Variants in PDE7B observed in about 807,000 individuals in gnomAD.
PDE7B encodes phosphodiesterase 7B.
Under a neutral mutation model 56.2 loss-of-function variants are expected in PDE7B, and 29 were observed. The observed-to-expected ratio is 0.52, with a 90% CI of 0.38 to 0.70. The LOEUF is 0.70. Among genes scored for constraint, PDE7B ranks in the 30% least tolerant of loss-of-function variants. The pLI is 0.00. For missense variants in PDE7B, 490 were observed against 565.0 expected, an observed-to-expected ratio of 0.87 and a Z score of 1.35; for synonymous variants, 197 against 196.9, an observed-to-expected ratio of 1.00 and a Z score of 0.00.
Position 136,133,712 on chromosome 6 carries a change from C to T in PDE7B, c.167-13639C>T, listed in dbSNP as rs111787817. ...CCTAGCCTAACAGGGTTTACAGCAG[C>T]GTGCAGCATCTGCCACATAGCAAGT... On this transcript the variant is annotated intron_variant, in intron 3 of 12. Coordinates refer to ENST00000308191, the MANE Select transcript of PDE7B (RefSeq NM_018945.4). Among the ~76,000 whole-genome samples, 754 of 152,202 alleles carry T rather than the reference C, an allele frequency of 5.0e-3. 3 individuals are homozygous for T. The highest frequency in any genetic ancestry group is 0.016 in the African/African-American group (655 of 41,528).
At chr6:135,935,288 TGGA>T (rs1774403182) in intron 1 of PDE7B, among the ~76,000 whole-genome samples, 1 of 142,070 alleles carries the variant, frequency 7.0e-6, no homozygotes, top group African/African-American at 2.6e-5. Context: ...ACTGAAAGAA[TGGA>T]GAAATCTTTG....
At chr6:135,910,896 C>G (rs529641661) in intron 1 of PDE7B, among the ~76,000 whole-genome samples, 19 of 152,126 alleles carry the variant, frequency 1.2e-4, no homozygotes, top group African/African-American at 4.6e-4. Flanking sequence ...AAGAGTAACC[C>G]CATATTCTTA....
intron 1 of PDE7B, among the ~76,000 whole-genome samples, chr6:135,859,075 A>G (rs1775094567): frequency 6.6e-6 from 1 of 151,422 alleles, no homozygotes; most frequent in Admixed American, 6.6e-5. Context: ...AAAAAAAAAG[A>G]CCTTCATTTC....
At chr6:135,965,300 G>C (rs936784289) in intron 2 of PDE7B, among the ~76,000 whole-genome samples, 1 of 152,156 alleles carries the variant, frequency 6.6e-6, no homozygotes, top group African/African-American at 2.4e-5. Context: ...GGATCTGCTT[G>C]TTCAGGAGCA....
At chr6:136,135,174 T>G (rs1002833097) in intron 3 of PDE7B, among the ~76,000 whole-genome samples, 5 of 152,130 alleles carry the variant, frequency 3.3e-5, no homozygotes, top group African/African-American at 9.7e-5. Context: ...ATTCAAGACC[T>G]GAGTTTGGAG....
intron 1 of PDE7B, among the ~76,000 whole-genome samples, chr6:135,929,288 T>G (rs1184697638): frequency 2.0e-5 from 3 of 152,164 alleles, no homozygotes; most frequent in Admixed American, 2.0e-4. Flanking sequence ...TACTTAAAAC[T>G]TACAATGAGC....
chr6:136,161,126 T>C (rs946171602), intron 8 of PDE7B, among the ~76,000 whole-genome samples: 4 of 152,206 alleles, frequency 2.6e-5, no homozygotes, highest in Admixed American at 6.5e-5. Context: ...GAGTATGTTG[T>C]CTGTACTCTC....
chr6:135,934,489 G>A (rs1774355609), intron 1 of PDE7B, among the ~76,000 whole-genome samples: 1 of 151,654 alleles, frequency 6.6e-6, no homozygotes, highest in South Asian at 2.1e-4. Flanking sequence ...CACTTTGGGA[G>A]GCCAAGGCAG....
intron 2 of PDE7B, among the ~76,000 whole-genome samples, chr6:135,987,974 C>G (rs908282169): frequency 2.0e-5 from 3 of 152,114 alleles, no homozygotes; most frequent in African/African-American, 4.8e-5. Context: ...CTAATACATG[C>G]CTATCACATT....
chr6:136,122,865 C>T (rs1777959785), intron 3 of PDE7B, among the ~76,000 whole-genome samples: 1 of 152,198 alleles, frequency 6.6e-6, no homozygotes, highest in Non-Finnish European at 1.5e-5. Flanking sequence ...TCCTCTGTAT[C>T]TCTCTGCAGG....
At chr6:136,174,360 T>C (rs6916324) in intron 9 of PDE7B, among the ~76,000 whole-genome samples, 15,322 of 152,232 alleles carry the variant, frequency 0.1, 2,537 homozygotes, top group African/African-American at 0.35. Flanking sequence ...TTTTGCTAAG[T>C]AATTGAAATG....
chr6:135,933,231 CTG>C (rs1416287434), intron 1 of PDE7B, among the ~76,000 whole-genome samples: 2 of 152,180 alleles, frequency 1.3e-5, no homozygotes, highest in Admixed American at 6.5e-5. Context: ...TCATATGTAT[CTG>C]TGTATAAATA....
intron 2 of PDE7B, among the ~76,000 whole-genome samples, chr6:136,021,418 G>A (rs1776068722): frequency 6.6e-6 from 1 of 152,292 alleles, no homozygotes; most frequent in South Asian, 2.1e-4. Flanking sequence ...GCTGAGGCAG[G>A]TGGATCACCT....
intron 2 of PDE7B, among the ~76,000 whole-genome samples, chr6:136,020,664 A>C (rs1247284824): frequency 7.3e-5 from 11 of 151,684 alleles, no homozygotes; most frequent in Admixed American, 5.2e-4. Flanking sequence ...TTGTCCATAT[A>C]ACACTTCTAC....
At chr6:135,967,969 C>T (rs1191475186) in intron 2 of PDE7B, among the ~76,000 whole-genome samples, 1 of 152,138 alleles carries the variant, frequency 6.6e-6, no homozygotes, top group Non-Finnish European at 1.5e-5. Context: ...CTTTGGAAGC[C>T]TTGGCAAGGG....
intron 9 of PDE7B, 58 bp downstream of exon 9, chr6:136,173,946 C>A: frequency 8.0e-7 from 1 of 1,254,634 alleles, no homozygotes; most frequent in Non-Finnish European, 1.2e-6. Context: ...AAGCCACTTT[C>A]TCTAGGGCAG....
chr6:135,877,019 C>T (rs986932448), intron 1 of PDE7B, among the ~76,000 whole-genome samples: 4 of 151,836 alleles, frequency 2.6e-5, no homozygotes, highest in Non-Finnish European at 5.9e-5. Context: ...TTCATATTTG[C>T]GTTTTCATCT....
chr6:136,016,147 C>A (rs759037986), intron 2 of PDE7B, among the ~76,000 whole-genome samples: 2 of 152,130 alleles, frequency 1.3e-5, no homozygotes, highest in African/African-American at 4.8e-5. Flanking sequence ...CCCTCTAATA[C>A]GTAGGAAAGT....
At chr6:136,085,380 A>G (rs1209278111) in intron 2 of PDE7B, among the ~76,000 whole-genome samples, 2 of 152,156 alleles carry the variant, frequency 1.3e-5, no homozygotes, top group Non-Finnish European at 2.9e-5. Context: ...AGGATATTCT[A>G]TTTTGTGTCT....
Sources: gnomAD v4.1 joint callset for allele counts (sites outside exome capture counted in the v4.1 genomes callset) on GRCh38, gnomAD v4.1.1 for gene constraint, MANE v1.5 for transcripts, NCBI Gene and HGNC (gene_info 2026-07-23, HGNC 2026-07-21) for gene names.